MBNL2: variants seen among roughly 807,000 people sequenced by gnomAD.
MBNL2 encodes muscleblind-like protein 2.
Under a neutral mutation model 41.9 loss-of-function variants are expected in MBNL2, and 17 were observed. That is an observed-to-expected ratio of 0.41 (90% CI 0.28 to 0.61). The LOEUF (loss-of-function observed/expected upper bound fraction) is 0.61. Ranked by LOEUF, MBNL2 falls within the 20% of genes least tolerant of loss-of-function variation. MBNL2 has a pLI of 0.35. For synonymous variants in MBNL2, 195 were observed against 182.9 expected (o/e 1.07, Z -0.53); for missense variants, 336 against 505.6 (o/e 0.66, Z 3.22).
chr13:97,285,144 A>T (rs12184720), intron 2 of MBNL2, among the ~76,000 whole-genome samples: 16,162 of 152,220 alleles, frequency 0.11, 2,563 homozygotes, highest in African/African-American at 0.34. Context: ...TTAGGATTTT[A>T]AAAAATGACA....
chr13:97,248,697 CT>C (rs548302731), intron 1 of MBNL2, among the ~76,000 whole-genome samples: 8 of 151,578 alleles, frequency 5.3e-5, no homozygotes, highest in African/African-American at 1.7e-4. Flanking sequence ...ATCAAGATAA[CT>C]TTTTTTTTAG....
chr13:97,333,804 A>G (rs1279675184), intron 2 of MBNL2, among the ~76,000 whole-genome samples: 2 of 152,006 alleles, frequency 1.3e-5, no homozygotes, highest in Non-Finnish European at 2.9e-5. Context: ...TCCTTCTGAT[A>G]GCCCACAATA....
chr13:97,388,171 C>T (rs1330088387), intron 8 of MBNL2, among the ~76,000 whole-genome samples: 1 of 151,970 alleles, frequency 6.6e-6, no homozygotes, highest in Non-Finnish European at 1.5e-5. Context: ...AGCCCATGTG[C>T]CAGGGCCACA....
rs1215276274 is a variant in MBNL2 at position 97,346,603 on chromosome 13, A to C, written c.541-201A>C. On this transcript the variant is annotated intron_variant, in intron 4 of 8. Coordinates refer to ENST00000679496, the MANE Select transcript of MBNL2 (RefSeq NM_001382683.1). The surrounding 1 kb of genome is among the most constrained non-coding windows in gnomAD (Gnocchi z 4.2). ...TCTCAATATAGATTTTCACCCTAGA[A>C]AAGGCGGTAAAACAAAACTCAAATG... is the stretch of plus-strand genomic sequence containing the variant. 6.6e-6 allele frequency among the ~76,000 whole-genome samples: 1 copy of C among 152,210 alleles called. No homozygotes were observed. Among genetic ancestry groups the C allele is most frequent in the African/African-American group, 2.4e-5 (1 of 41,464 alleles).
the MBNL2 span, among the ~76,000 whole-genome samples, chr13:97,178,558 G>A: frequency 6.6e-6 from 1 of 152,164 alleles, no homozygotes; most frequent in South Asian, 2.1e-4. Context: ...ATCTTTCATA[G>A]CAGAGAGAAT....
chr13:97,314,059 G>A (rs2058829076), intron 2 of MBNL2, among the ~76,000 whole-genome samples: 2 of 152,104 alleles, frequency 1.3e-5, no homozygotes, highest in Non-Finnish European at 2.9e-5. Context: ...AAAAGCCAAA[G>A]ACCTTATGAT....
chr13:97,199,364 C>T, the MBNL2 span, among the ~76,000 whole-genome samples: 2 of 152,100 alleles, frequency 1.3e-5, no homozygotes, highest in Non-Finnish European at 2.9e-5. Flanking sequence ...GTATTATATA[C>T]ACACTCTTTG....
At chr13:97,189,838 A>G in the MBNL2 span, among the ~76,000 whole-genome samples, 1 of 152,346 alleles carries the variant, frequency 6.6e-6, no homozygotes, top group African/African-American at 2.4e-5. Flanking sequence ...AATTTTCAGC[A>G]AATGGTTATT....
chr13:97,267,647 C>T (rs754245217), intron 1 of MBNL2, among the ~76,000 whole-genome samples: 55 of 152,124 alleles, frequency 3.6e-4, no homozygotes, highest in Non-Finnish European at 6.9e-4. Flanking sequence ...AAAACAAGGC[C>T]GCACCCACCC....
intron 5 of MBNL2, among the ~76,000 whole-genome samples, chr13:97,352,928 A>G (rs535918608): frequency 6.6e-6 from 1 of 152,244 alleles, no homozygotes; most frequent in African/African-American, 2.4e-5. Flanking sequence ...TACACCTAGT[A>G]TATATCAGTG....
In MBNL2 at chr13:97,366,680, G is replaced by C. The variant is rs776886309; in HGVS notation, c.1048+1509G>C. 1.4e-6 allele frequency: 1 copy of C among 716,714 alleles called. No homozygotes were observed. Among genetic ancestry groups the C allele is most frequent in the Non-Finnish European group, 2.5e-6 (1 of 393,422 alleles). The allele number at this position is 716,714 out of a possible 1,614,324, so 44.4% of individuals were successfully genotyped here. On this transcript the variant is annotated intron_variant, in intron 8 of 8. Transcript: ENST00000679496. This position sits in a 1 kb window ranked among gnomAD's most constrained non-coding sequence, Gnocchi z 4.7. ...CCATCAAATTTTATTTTTTTAATTA[G>C]TTTATAGCAAGCATTTACAGACAGG...
At chr13:97,232,882 TGTGTGTGTGC>T (rs2042585096) in intron 1 of MBNL2, among the ~76,000 whole-genome samples, 1 of 146,844 alleles carries the variant, frequency 6.8e-6, no homozygotes, top group Admixed American at 6.8e-5. Flanking sequence ...TGTGTGTGTG[TGTGTGTGTGC>T]GCACGTACAC....
At chr13:97,388,995 G>A (rs1370761706) in intron 8 of MBNL2, among the ~76,000 whole-genome samples, 1 of 152,060 alleles carries the variant, frequency 6.6e-6, no homozygotes, top group African/African-American at 2.4e-5. Context: ...AAGACCAGGG[G>A]ATGGCCAGAG....
the MBNL2 span, among the ~76,000 whole-genome samples, chr13:97,148,229 A>C: frequency 6.6e-6 from 1 of 152,224 alleles, no homozygotes; most frequent in African/African-American, 2.4e-5. Context: ...TATGATTAGC[A>C]AATGTTCTGC....
chr13:97,145,989 C>CTTTTCTTTTCTTTTCTTTTCTTT, the MBNL2 span, among the ~76,000 whole-genome samples: 764 of 141,752 alleles, frequency 5.4e-3, 4 homozygotes, highest in South Asian at 9.5e-3. Flanking sequence ...CTTTTCTTTT[C>CTTTTCTTTTCTTTTCTTTTCTTT]TTTTCTTTTC....
At chr13:97,348,074 ATTTTTT>A (rs71692187) in intron 5 of MBNL2, among the ~76,000 whole-genome samples, 9 of 120,318 alleles carry the variant, frequency 7.5e-5, no homozygotes, top group African/African-American at 1.2e-4. Context: ...GGGCAGTGGG[ATTTTTT>A]TTTTTTTTTT....
At chr13:97,320,360 A>G (rs2059401350) in intron 2 of MBNL2, among the ~76,000 whole-genome samples, 1 of 151,636 alleles carries the variant, frequency 6.6e-6, no homozygotes, top group South Asian at 2.1e-4. Context: ...CCCGGGTTCA[A>G]GAGATTCTGC....
the MBNL2 span, among the ~76,000 whole-genome samples, chr13:97,209,257 C>A: frequency 6.6e-6 from 1 of 152,190 alleles, no homozygotes; most frequent in African/African-American, 2.4e-5. Flanking sequence ...AGCTTGCCAA[C>A]TCCCTGTCAA....
At chr13:97,373,651 ACT>A (rs1171781137) in intron 8 of MBNL2, among the ~76,000 whole-genome samples, 1 of 150,022 alleles carries the variant, frequency 6.7e-6, no homozygotes, top group African/African-American at 2.5e-5. Flanking sequence ...GTTGGGGGAT[ACT>A]CTGTCTATCT....
Sources: allele counts gnomAD v4.1 joint callset (sites outside exome capture counted in the v4.1 genomes callset), GRCh38; gene constraint gnomAD v4.1.1; non-coding constraint Gnocchi (gnomAD v3.1); transcripts MANE v1.5; gene names NCBI Gene and HGNC (gene_info 2026-07-23, HGNC 2026-07-21).